Variants in CLEC2A observed in about 807,000 individuals in gnomAD.
CLEC2A encodes C-type lectin domain family 2 member A, also known as keratinocyte-associated C-type lectin.
A neutral mutation model predicts 18.6 loss-of-function variants in CLEC2A; 19 were observed. The ratio of observed to expected loss-of-function variants is 1.02; its 90% CI spans 0.71 to 1.50. The LOEUF (loss-of-function observed/expected upper bound fraction) is 1.50, where lower values mean the gene tolerates loss of function less well. Among genes scored for constraint, CLEC2A ranks in the 40% most tolerant of loss-of-function variants. CLEC2A has a pLI of 0.00. For missense variants in CLEC2A, 190 were observed against 207.9 expected, an observed-to-expected ratio of 0.91 and a Z score of 0.53; for synonymous variants, 74 against 64.0, an observed-to-expected ratio of 1.16 and a Z score of -0.75.
intron 4 of CLEC2A, among the ~76,000 whole-genome samples, chr12:9,901,049 C>T (rs1036805150): frequency 6.6e-5 from 10 of 151,882 alleles, no homozygotes; most frequent in Admixed American, 5.9e-4. Flanking sequence ...TATTAAAGGC[C>T]GTAAATAATT....
At chr12:9,893,497 G>A in the CLEC2A span, 24 of 1,524,106 alleles carry the variant, frequency 1.6e-5, no homozygotes, top group South Asian at 2.9e-4. Context: ...CATTCCAAGG[G>A]AACCTATGGA....
intron 3 of CLEC2A, 113 bp from the exon 4 acceptor site, chr12:9,916,916 C>A: frequency 1.5e-6 from 1 of 662,074 alleles, no homozygotes; most frequent in Non-Finnish European, 2.7e-6. Context: ...AATTTGTCTT[C>A]CCTGATGCTT....
downstream of CLEC2A, among the ~76,000 whole-genome samples, chr12:9,898,332 G>A (rs186382879): frequency 6.6e-6 from 1 of 152,280 alleles, no homozygotes; most frequent in South Asian, 2.1e-4. Context: ...CTCAAGTGAG[G>A]AACAGAAACT....
intron 4 of CLEC2A, among the ~76,000 whole-genome samples, chr12:9,904,044 C>T (rs1450319774): frequency 6.6e-6 from 1 of 152,234 alleles, no homozygotes; most frequent in East Asian, 1.9e-4. Context: ...TACTACCATA[C>T]ATCCACTTGG....
chr12:9,925,206 G>GA (rs1863248315), intron 2 of CLEC2A, among the ~76,000 whole-genome samples: 1 of 152,220 alleles, frequency 6.6e-6, no homozygotes. Flanking sequence ...TGCTCAAGTT[G>GA]ATGTGTCTTG....
At chr12:9,885,657 TG>T in the CLEC2A span, among the ~76,000 whole-genome samples, 3 of 151,992 alleles carry the variant, frequency 2.0e-5, 1 homozygote, top group South Asian at 4.1e-4. Context: ...ATTGGGCAAT[TG>T]GGCAATTTTG....
intron 2 of CLEC2A, among the ~76,000 whole-genome samples, chr12:9,925,256 G>A (rs867558530): frequency 3.9e-5 from 6 of 152,304 alleles, no homozygotes; most frequent in Non-Finnish European, 4.4e-5. Context: ...AACCCTGAGC[G>A]GGTAGAGGTA....
the CLEC2A span, among the ~76,000 whole-genome samples, chr12:9,886,432 T>G: frequency 6.6e-6 from 1 of 152,118 alleles, no homozygotes; most frequent in Non-Finnish European, 1.5e-5. Context: ...GTGGATAGCA[T>G]AATGCTATTG....
intron 3 of CLEC2A, among the ~76,000 whole-genome samples, chr12:9,919,012 C>G (rs519802): frequency 3.0e-4 from 45 of 152,122 alleles, no homozygotes; most frequent in African/African-American, 9.9e-4. Flanking sequence ...TGCGCTTGGA[C>G]GTATTTGTCA....
chr12:9,895,779 G>C, downstream of CLEC2A: 1 of 1,535,690 alleles, frequency 6.5e-7, no homozygotes, highest in Admixed American at 2.0e-5. Flanking sequence ...CCACATTTAA[G>C]GGCATTTGCC....
chr12:9,897,652 AG>A (rs990586256), downstream of CLEC2A, among the ~76,000 whole-genome samples: 1 of 151,500 alleles, frequency 6.6e-6, no homozygotes, highest in Non-Finnish European at 1.5e-5. Context: ...TGAAGAGGCC[AG>A]GCTCCTCCTG....
chr12:9,889,605 A>G, the CLEC2A span, among the ~76,000 whole-genome samples: 2 of 151,944 alleles, frequency 1.3e-5, no homozygotes, highest in Non-Finnish European at 2.9e-5. Flanking sequence ...CCACAATTAT[A>G]TGAGACAATA....
chr12:9,898,915 G>T (rs774872029), exon 5 of CLEC2A: 5 of 715,974 alleles, frequency 7.0e-6, no homozygotes, highest in Admixed American at 2.0e-5. Flanking sequence ...TATCTAAGGG[G>T]TCCCAGCAGA....
chr12:9,912,753 G>A (rs997487448), downstream of CLEC2A, among the ~76,000 whole-genome samples: 2 of 152,128 alleles, frequency 1.3e-5, no homozygotes, highest in African/African-American at 4.8e-5. Flanking sequence ...GAAGAGGAGG[G>A]ACCGTGCTCG....
rs1326216055 is a variant in CLEC2A, at chr12:9,906,028, T to TTG, written c.411-7053_411-7052insCA. Among the ~76,000 whole-genome samples the TTG allele has an allele frequency of 8.6e-5, 13 of 151,314 alleles. No homozygotes were observed. The South Asian group carries it at 2.3e-3, about 27-fold the overall frequency. ...TTGGAGCCCACTTATTAGTTTTGTT[T>TTG]TTTTTTTTTTTACATATTAGACAGC... On this transcript the variant is annotated intron_variant, in intron 4 of 4. Transcript: ENST00000339766.
chr12:9,893,952 C>A (rs1862720019), downstream of CLEC2A, among the ~76,000 whole-genome samples: 1 of 152,058 alleles, frequency 6.6e-6, no homozygotes, highest in Admixed American at 6.6e-5. Context: ...GAGTTGAAAT[C>A]AGAAAACATG....
chr12:9,919,785 A>C (rs1863134428), intron 3 of CLEC2A, among the ~76,000 whole-genome samples: 1 of 152,194 alleles, frequency 6.6e-6, no homozygotes, highest in African/African-American at 2.4e-5. Context: ...CCTACAAAAC[A>C]GCAAAGAAGG....
intron 2 of CLEC2A, among the ~76,000 whole-genome samples, chr12:9,925,504 C>A (rs189864032): frequency 1.1e-3 from 167 of 152,240 alleles, no homozygotes; most frequent in Non-Finnish European, 1.5e-3. Flanking sequence ...TATTTTTTAT[C>A]TGTAAATGGA....
intron 4 of CLEC2A, among the ~76,000 whole-genome samples, chr12:9,904,158 G>C (rs906213824): frequency 6.6e-6 from 1 of 152,194 alleles, no homozygotes; most frequent in Non-Finnish European, 1.5e-5. Context: ...TGTCATGAGA[G>C]ACACAAGGTA....
Sources: allele counts gnomAD v4.1 joint callset (sites outside exome capture counted in the v4.1 genomes callset), GRCh38; gene constraint gnomAD v4.1.1; transcripts MANE v1.5; gene names NCBI Gene and HGNC (gene_info 2026-07-23, HGNC 2026-07-21).